Variants in FBXL17 observed in about 807,000 individuals in gnomAD.
FBXL17 encodes F-box/LRR-repeat protein 17.
A neutral mutation model predicts 66.2 loss-of-function variants in FBXL17; 22 were observed. That is an observed-to-expected ratio of 0.33 (90% CI 0.24 to 0.47). The LOEUF is 0.47. Ranked by LOEUF, FBXL17 falls within the 20% of genes least tolerant of loss-of-function variation. FBXL17 has a pLI of 1.00. For synonymous variants in FBXL17, 474 were observed against 400.5 expected (o/e 1.18, Z -2.19); for missense variants, 878 against 948.2 (o/e 0.93, Z 0.97).
At chr5:108,195,897 C>T (rs1473739082) in intron 5 of FBXL17, among the ~76,000 whole-genome samples, 2 of 152,070 alleles carry the variant, frequency 1.3e-5, no homozygotes, top group African/African-American at 2.4e-5. Flanking sequence ...ATTGTTGCAA[C>T]TAACAAAGAC....
chr5:108,011,997 A>G (rs1337153385), intron 7 of FBXL17, among the ~76,000 whole-genome samples: 1 of 152,206 alleles, frequency 6.6e-6, no homozygotes, highest in Non-Finnish European at 1.5e-5. Flanking sequence ...GCTACTATGA[A>G]AGTATCTCAT....
At chr5:108,206,786 G>C (rs1053199162) in intron 5 of FBXL17, among the ~76,000 whole-genome samples, 2 of 152,134 alleles carry the variant, frequency 1.3e-5, no homozygotes, top group African/African-American at 4.8e-5. Flanking sequence ...AGACATTTGG[G>C]TGGTTTTAAG....
intron 6 of FBXL17, among the ~76,000 whole-genome samples, chr5:108,078,641 C>T (rs1748645154): frequency 6.6e-6 from 1 of 152,148 alleles, no homozygotes; most frequent in African/African-American, 2.4e-5. Context: ...TCTCCGAGAG[C>T]TGCTATCTGT....
chr5:108,110,113 C>T (rs1265995191), intron 6 of FBXL17, among the ~76,000 whole-genome samples: 3 of 152,034 alleles, frequency 2.0e-5, no homozygotes, highest in East Asian at 3.9e-4. Context: ...GTAGCTCACA[C>T]CTCCTCCTTG....
chr5:108,068,400 C>T lies in FBXL17; in HGVS notation c.1746-47399G>A, dbSNP rs184714260. On this transcript the variant is annotated intron_variant, in intron 6 of 8. Coordinates refer to ENST00000542267, the MANE Select transcript of FBXL17 (RefSeq NM_001163315.3). ...TAAAACTAGTCCCCCAAAAAGTACT[C>T]TTTATACCCATAAAATCTAAATACT... Among the ~76,000 whole-genome samples the T allele has an allele frequency of 1.1e-4, 16 of 142,500 alleles. No individual in the cohort carries two copies. The South Asian group carries it at 3.5e-3, about 31-fold the overall frequency. 93.5% of individuals were successfully genotyped at this position (142,500 alleles called of 152,430 possible).
intron 4 of FBXL17, among the ~76,000 whole-genome samples, chr5:108,326,531 A>G (rs1759862346): frequency 6.6e-6 from 1 of 152,092 alleles, no homozygotes; most frequent in Non-Finnish European, 1.5e-5. Context: ...TAAACTCGGG[A>G]GGTGGAGGTT....
In FBXL17 at chr5:107,956,290, T is replaced by C. The variant is rs138303442; in HGVS notation, c.1822+64635A>G. Among the ~76,000 whole-genome samples the C allele has an allele frequency of 1.1e-4, 17 of 152,324 alleles. No individual in the cohort carries two copies. In the East Asian group the frequency reaches 3.1e-3, roughly 28 times the overall value. On this transcript the variant is annotated intron_variant, in intron 7 of 8. Transcript: ENST00000542267. ...TTGTTAAAACCTCAGATTCCTGAGA[T>C]CTCTGCGGGTATGTTAAGGAACCTG... is the stretch of plus-strand genomic sequence containing the variant.
At chr5:108,154,648 CAT>C (rs202122522) in intron 6 of FBXL17, among the ~76,000 whole-genome samples, 1,254 of 115,644 alleles carry the variant, frequency 0.011, 10 homozygotes, top group South Asian at 0.025. Flanking sequence ...CACACACACA[CAT>C]ATATGTATAT....
chr5:108,206,838 C>A (rs972420579), intron 5 of FBXL17, among the ~76,000 whole-genome samples: 1 of 152,098 alleles, frequency 6.6e-6, no homozygotes, highest in Non-Finnish European at 1.5e-5. Flanking sequence ...GGATCCATGT[C>A]TTTGCATGTA....
chr5:108,337,293 A>T (rs1256089028), intron 4 of FBXL17, among the ~76,000 whole-genome samples: 1 of 151,926 alleles, frequency 6.6e-6, no homozygotes, highest in African/African-American at 2.4e-5. Context: ...GAACTAAAGC[A>T]AAAGGACTTA....
At chr5:108,299,340 A>C in intron 4 of FBXL17, 1 of 984,916 alleles carries the variant, frequency 1.0e-6, no homozygotes, top group Non-Finnish European at 1.2e-6. Context: ...ATACCATTAA[A>C]GTATATTTTG....
chr5:108,337,211 G>A (rs578164627), intron 4 of FBXL17, among the ~76,000 whole-genome samples: 45 of 150,572 alleles, frequency 3.0e-4, no homozygotes, highest in Admixed American at 7.3e-4. Context: ...AGCCAAGATC[G>A]TGCCACTGCA....
chr5:108,056,036 T>C (rs1186380186), intron 6 of FBXL17, among the ~76,000 whole-genome samples: 1 of 150,168 alleles, frequency 6.7e-6, no homozygotes, highest in Non-Finnish European at 1.5e-5. Context: ...CAGAGGTAGC[T>C]TTCTAAAACT....
intron 6 of FBXL17, among the ~76,000 whole-genome samples, chr5:108,023,998 TG>T (rs1313413897): frequency 6.6e-6 from 1 of 152,158 alleles, no homozygotes; most frequent in Non-Finnish European, 1.5e-5. Context: ...TAGTTTGGTC[TG>T]TAGGAGCAAG....
intron 4 of FBXL17, among the ~76,000 whole-genome samples, chr5:108,264,378 C>T (rs1385627275): frequency 1.3e-5 from 2 of 151,780 alleles, no homozygotes; most frequent in Non-Finnish European, 2.9e-5. Flanking sequence ...GTGCTCTGTC[C>T]CAAGTGGTCA....
intron 6 of FBXL17, among the ~76,000 whole-genome samples, chr5:108,061,068 C>T (rs10068595): frequency 0.29 from 43,717 of 151,790 alleles, 7,486 homozygotes; most frequent in Admixed American, 0.4. Context: ...GGGCAGATCA[C>T]CTGAGGTCAG....
intron 6 of FBXL17, among the ~76,000 whole-genome samples, chr5:108,184,360 G>A (rs925601098): frequency 2.0e-5 from 3 of 152,074 alleles, no homozygotes. Context: ...AGGCTGGAGT[G>A]TAGTGGTGTG....
intron 4 of FBXL17, among the ~76,000 whole-genome samples, chr5:108,294,795 A>C (rs999846937): frequency 2.0e-5 from 3 of 152,114 alleles, no homozygotes; most frequent in African/African-American, 7.2e-5. Flanking sequence ...AATCTAAGCC[A>C]TTATTAGTCA....
chr5:107,951,914 A>G (rs1027002251), intron 7 of FBXL17, among the ~76,000 whole-genome samples: 2 of 152,236 alleles, frequency 1.3e-5, no homozygotes, highest in East Asian at 3.8e-4. Flanking sequence ...AACCAGTTTT[A>G]AAAAAGCAAA....
Sources: gnomAD v4.1 joint callset for allele counts (sites outside exome capture counted in the v4.1 genomes callset) on GRCh38, gnomAD v4.1.1 for gene constraint, MANE v1.5 for transcripts, NCBI Gene and HGNC (gene_info 2026-07-23, HGNC 2026-07-21) for gene names.